GRIN2A: variants seen among roughly 807,000 people sequenced by gnomAD.
GRIN2A encodes glutamate receptor ionotropic, NMDA 2A.
A neutral mutation model predicts 113.4 loss-of-function variants in GRIN2A; 22 were observed. The observed-to-expected ratio is 0.19, with a 90% CI of 0.14 to 0.28. GRIN2A has a LOEUF of 0.28. Among genes scored for constraint, GRIN2A ranks in the 10% least tolerant of loss-of-function variants. GRIN2A has a pLI of 1.00. For missense variants in GRIN2A, 1,502 were observed against 1,887.0 expected, an observed-to-expected ratio of 0.80 and a Z score of 3.78; for synonymous variants, 827 against 738.4, an observed-to-expected ratio of 1.12 and a Z score of -1.94.
chr16:9,898,234 ACT>A (rs1263993178), intron 3 of GRIN2A, among the ~76,000 whole-genome samples: 2 of 151,624 alleles, frequency 1.3e-5, no homozygotes, highest in Non-Finnish European at 2.9e-5. Context: ...TGCAGTTTTC[ACT>A]CTTTTTCCAC....
intron 10 of GRIN2A, among the ~76,000 whole-genome samples, chr16:9,799,663 C>T (rs1004221683): frequency 3.3e-5 from 5 of 152,092 alleles, no homozygotes; most frequent in Non-Finnish European, 2.9e-5. Context: ...GTTTTAATCC[C>T]GAAAATGTTA....
intron 9 of GRIN2A, among the ~76,000 whole-genome samples, chr16:9,828,834 T>TA (rs941238108): frequency 5.9e-5 from 9 of 152,120 alleles, no homozygotes; most frequent in African/African-American, 1.7e-4. Context: ...AGTGGGAAAT[T>TA]AAAAAAACAG....
At chr16:9,954,578 G>C (rs1567198023) in intron 2 of GRIN2A, among the ~76,000 whole-genome samples, 1 of 152,154 alleles carries the variant, frequency 6.6e-6, no homozygotes, top group South Asian at 2.1e-4. Flanking sequence ...CCTGCAGAAT[G>C]AGTCCTTTTC....
chr16:9,903,220 G>A (rs576629165), intron 3 of GRIN2A, among the ~76,000 whole-genome samples: 4 of 151,956 alleles, frequency 2.6e-5, no homozygotes, highest in South Asian at 2.1e-4. Flanking sequence ...CCGCCACCTC[G>A]GCCTCCCAAA....
At chr16:10,036,035 T>C (rs1448820485) in intron 2 of GRIN2A, among the ~76,000 whole-genome samples, 6 of 152,194 alleles carry the variant, frequency 3.9e-5, no homozygotes, top group Admixed American at 3.3e-4. Context: ...GATTAATGGA[T>C]TTCTATGGAA....
At chr16:9,799,712 C>T (rs894546745) in intron 10 of GRIN2A, among the ~76,000 whole-genome samples, 8 of 152,204 alleles carry the variant, frequency 5.3e-5, no homozygotes, top group Non-Finnish European at 2.9e-5. Flanking sequence ...GCTTTCTTCT[C>T]TCATTCCATA....
At chr16:10,088,047 C>T (rs2048115622) in intron 2 of GRIN2A, among the ~76,000 whole-genome samples, 1 of 152,066 alleles carries the variant, frequency 6.6e-6, no homozygotes, top group Non-Finnish European at 1.5e-5. Context: ...TCAGTATCAT[C>T]ATCATGGGTT....
intron 3 of GRIN2A, among the ~76,000 whole-genome samples, chr16:9,895,692 A>G (rs67368559): frequency 0.28 from 43,336 of 152,150 alleles, 7,077 homozygotes; most frequent in African/African-American, 0.44. Flanking sequence ...AAGACCACCA[A>G]TGGCCTTTAC....
intron 4 of GRIN2A, among the ~76,000 whole-genome samples, chr16:9,886,980 C>T (rs926333361): frequency 1.3e-5 from 2 of 152,104 alleles, no homozygotes; most frequent in African/African-American, 2.4e-5. Flanking sequence ...CCTCGCCTCC[C>T]AGGTTCAAGT....
At chr16:10,043,155 ATTCT>A (rs1232000903) in intron 2 of GRIN2A, among the ~76,000 whole-genome samples, 2 of 152,158 alleles carry the variant, frequency 1.3e-5, no homozygotes, top group Non-Finnish European at 2.9e-5. Flanking sequence ...CTTTTTACAG[ATTCT>A]TTCTAATCTC....
chr16:9,855,753 G>C (rs2042956368), intron 4 of GRIN2A, among the ~76,000 whole-genome samples: 1 of 152,174 alleles, frequency 6.6e-6, no homozygotes, highest in South Asian at 2.1e-4. Flanking sequence ...CTTGCACCCA[G>C]GGTGAAAGGA....
intron 12 of GRIN2A, among the ~76,000 whole-genome samples, chr16:9,766,858 T>C (rs974418492): frequency 4.6e-5 from 7 of 152,230 alleles, no homozygotes; most frequent in Non-Finnish European, 1.0e-4. Flanking sequence ...ATCAAGGGAC[T>C]CCACCAACAA....
intron 2 of GRIN2A, among the ~76,000 whole-genome samples, chr16:9,944,529 T>C (rs2044969950): frequency 2.0e-5 from 3 of 152,310 alleles, no homozygotes; most frequent in African/African-American, 7.2e-5. Context: ...CTCTTGGGCA[T>C]ATCCAATATG....
At chr16:9,789,279 C>T (rs760212641) in intron 11 of GRIN2A, among the ~76,000 whole-genome samples, 3 of 152,044 alleles carry the variant, frequency 2.0e-5, no homozygotes, top group Non-Finnish European at 2.9e-5. Context: ...TTTTCTTGGT[C>T]GCCCTCTTCA....
intron 10 of GRIN2A, among the ~76,000 whole-genome samples, chr16:9,802,979 C>T (rs1057463590): frequency 6.6e-6 from 1 of 151,682 alleles, no homozygotes; most frequent in Non-Finnish European, 1.5e-5. Context: ...ACTTTTGATC[C>T]GTTTTCTATT....
chr16:10,093,155 G>T (rs1274190701), intron 2 of GRIN2A, among the ~76,000 whole-genome samples: 3 of 152,164 alleles, frequency 2.0e-5, no homozygotes, highest in Non-Finnish European at 4.4e-5. Context: ...CTGAAACCCA[G>T]AAGAAAGAAG....
chr16:10,174,583 CATGCACA>C (rs1567350361), intron 2 of GRIN2A, among the ~76,000 whole-genome samples: 1 of 151,944 alleles, frequency 6.6e-6, no homozygotes, highest in African/African-American at 2.4e-5. Context: ...GAGGGAGTTA[CATGCACA>C]AAGTGAGAAG....
chr16:9,784,389 C>T (rs2141190223), intron 11 of GRIN2A, among the ~76,000 whole-genome samples: 1 of 150,512 alleles, frequency 6.6e-6, no homozygotes, highest in Non-Finnish European at 1.5e-5. Flanking sequence ...GAGATCTCAC[C>T]ACTGCATTCC....
intron 2 of GRIN2A, chr16:10,036,944 G>A (rs923788135): frequency 3.9e-5 from 6 of 152,162 alleles, no homozygotes; most frequent in African/African-American, 1.4e-4. Context: ...GGTACTGAGG[G>A]TTAGGACTTC....
Sources: allele counts gnomAD v4.1 joint callset (sites outside exome capture counted in the v4.1 genomes callset), GRCh38; gene constraint gnomAD v4.1.1; transcripts MANE v1.5; gene names NCBI Gene and HGNC (gene_info 2026-07-23, HGNC 2026-07-21).